Variants in TPP2 observed in about 807,000 individuals in gnomAD.
TPP2 encodes the protein tripeptidyl peptidase 2, also known as tripeptidyl-peptidase 2.
TPP2 carries 34 observed loss-of-function variants against 155.9 expected under a neutral mutation model. That is an observed-to-expected ratio of 0.22 (90% CI 0.17 to 0.29). The LOEUF (loss-of-function observed/expected upper bound fraction) is 0.29, where lower values mean the gene tolerates loss of function less well. TPP2 is among the 10% of genes least tolerant of loss of function. The pLI is 1.00. For missense variants in TPP2, 1,028 were observed against 1,522.3 expected (o/e 0.68, Z 5.40); for synonymous variants, 510 against 529.4 (o/e 0.96, Z 0.50).
At chr13:102,664,661 C>G (rs1032444658) in intron 26 of TPP2, 134 bp from the exon 27 acceptor site, 2 of 854,116 alleles carry the variant, frequency 2.3e-6, no homozygotes, top group Non-Finnish European at 3.4e-6. Context: ...GCAGGGAGCC[C>G]CTGGGCTACA....
chr13:102,628,305 C>T (rs2139481477), intron 8 of TPP2, among the ~76,000 whole-genome samples: 1 of 152,224 alleles, frequency 6.6e-6, no homozygotes, highest in African/African-American at 2.4e-5. Flanking sequence ...ACTTCTCTTC[C>T]CAGGCAATTT....
Position 102,672,256 on chromosome 13 carries a change from A to G in TPP2, c.3372-2027A>G, listed in dbSNP as rs1218687370. Among the ~76,000 whole-genome samples, 3 of 152,298 alleles carry G rather than the reference A, an allele frequency of 2.0e-5. No homozygotes were observed. The East Asian group carries it at 5.8e-4, about 29-fold the overall frequency. On this transcript the variant is annotated intron_variant, in intron 27 of 29. Transcript: ENST00000376052. ...CCAGTGATGCTCGCATTTATTTAGTACAGAATTAATGACAAAAGCTTGGAG... is the reference window on the plus strand; with the variant it reads ...CCAGTGATGCTCGCATTTATTTAGTGCAGAATTAATGACAAAAGCTTGGAG...
chr13:102,645,392 C>A, intron 19 of TPP2, among the ~76,000 whole-genome samples: 1 of 152,314 alleles, frequency 6.6e-6, no homozygotes, highest in South Asian at 2.1e-4. Flanking sequence ...AACTTAAGTA[C>A]TGTAGCCTGC....
chr13:102,651,562 A>T (rs1883488734), intron 24 of TPP2, among the ~76,000 whole-genome samples, 165 bp downstream of exon 24: 1 of 144,760 alleles, frequency 6.9e-6, no homozygotes, highest in Non-Finnish European at 1.5e-5. Context: ...CATTGTTGAC[A>T]TACTGCTTTT....
chr13:102,624,603 A>G (rs1881428119), intron 6 of TPP2, among the ~76,000 whole-genome samples: 1 of 152,156 alleles, frequency 6.6e-6, no homozygotes, highest in Non-Finnish European at 1.5e-5. Context: ...GGAATAAAAA[A>G]TATGGTTTTC....
intron 1 of TPP2, among the ~76,000 whole-genome samples, chr13:102,602,026 A>G (rs1053603561): frequency 6.6e-6 from 1 of 152,216 alleles, no homozygotes; most frequent in African/African-American, 2.4e-5. Context: ...TGAGAGATCT[A>G]TCTGACTTGT....
chr13:102,627,650 CT>C (rs1190613630), intron 7 of TPP2, among the ~76,000 whole-genome samples, 197 bp from the exon 8 acceptor site: 2 of 148,448 alleles, frequency 1.3e-5, no homozygotes, highest in African/African-American at 2.5e-5. Context: ...TTAATGACTA[CT>C]TTTTTATGTG....
At position 102,640,641 on chromosome 13, in the gene TPP2, A is replaced by ATTTT. The variant is rs5806315; in HGVS notation, c.2020+290_2020+293dup. 2.9e-4 allele frequency among the ~76,000 whole-genome samples: 24 copies of ATTTT among 84,196 alleles called. 1 individual carries two copies. Among genetic ancestry groups the ATTTT allele is most frequent in the Non-Finnish European group, 3.8e-4 (18 of 47,058 alleles). 55.2% of individuals were successfully genotyped at this position (84,196 alleles called of 152,430 possible). A position where few individuals can be genotyped will look rare whatever the true frequency, so the allele number is the denominator to read the frequency against. The stretch of plus-strand genomic sequence containing the variant: ...TAGAATAATGCCTTACCTGGTAATA[A>ATTTT]TTTTTTTTTTTTTTTTTTTTTTTTT... On this transcript the variant is annotated intron_variant, in intron 16 of 29. Transcript: ENST00000376052.
intron 2 of TPP2, among the ~76,000 whole-genome samples, chr13:102,606,764 A>G (rs1879863780): frequency 6.6e-6 from 1 of 152,148 alleles, no homozygotes; most frequent in Admixed American, 6.6e-5. Flanking sequence ...TAGGGGAGGG[A>G]CGTGGGTCTT....
intron 10 of TPP2, among the ~76,000 whole-genome samples, chr13:102,630,677 G>C (rs970512030): frequency 6.6e-6 from 1 of 152,190 alleles, no homozygotes; most frequent in Non-Finnish European, 1.5e-5. Flanking sequence ...ACTGAGAAAT[G>C]AAGTCTATCT....
At chr13:102,655,884 C>T (rs931437952) in intron 24 of TPP2, among the ~76,000 whole-genome samples, 2 of 152,070 alleles carry the variant, frequency 1.3e-5, no homozygotes, top group African/African-American at 4.8e-5. Context: ...TCCGTGATCC[C>T]AGGTGCTTTT....
intron 21 of TPP2, among the ~76,000 whole-genome samples, chr13:102,647,708 T>C (rs985094885): frequency 6.6e-6 from 1 of 152,138 alleles, no homozygotes; most frequent in African/African-American, 2.4e-5. Context: ...TGATCCTAAG[T>C]CTGAGGGGGC....
intron 10 of TPP2, among the ~76,000 whole-genome samples, chr13:102,632,249 T>C (rs1000677762): frequency 3.3e-5 from 5 of 152,082 alleles, no homozygotes; most frequent in African/African-American, 7.2e-5. Flanking sequence ...GAGACTTTTT[T>C]TTTTTTCTTT....
chr13:102,629,768 A>G (rs1486062311), intron 9 of TPP2, among the ~76,000 whole-genome samples, 159 bp downstream of exon 9: 5 of 152,244 alleles, frequency 3.3e-5, no homozygotes, highest in East Asian at 3.8e-4. Flanking sequence ...CAGCACATCT[A>G]GAACTGACCG....
At chr13:102,671,975 TC>T (rs1318490765) in intron 27 of TPP2, among the ~76,000 whole-genome samples, 1 of 152,172 alleles carries the variant, frequency 6.6e-6, no homozygotes, top group East Asian at 1.9e-4. Flanking sequence ...CCTGAACAAT[TC>T]CCTCGAACTT....
intron 1 of TPP2, 72 bp from the exon 2 acceptor site, chr13:102,604,721 A>G: frequency 1.4e-6 from 2 of 1,435,868 alleles, no homozygotes; most frequent in Non-Finnish European, 1.9e-6. Flanking sequence ...ACACATATAT[A>G]TGTGGATTTG....
Position 102,635,673 on chromosome 13 carries a change from G to A in TPP2, c.1480G>A (p.Val494Ile), listed in dbSNP as rs199620172. Residue 494 changes from valine (V) to isoleucine (I), a missense_variant, in exon 12 of 30, where the codon GTA becomes ATA. By Grantham distance (29) the Val-to-Ile change is conservative. Around this residue, in one of 7 missense-constraint regions of TPP2, gnomAD observed 325 missense variants for 463.7 expected, o/e 0.70. Transcript: ENST00000376052. ...NTAVKADNIE[V>I]FAQGHGIIQV... Reference sequence around the variant, plus strand: ...TGCAGTGAAGGCTGACAATATAGAAGTATTTGCTCAAGGACATGGTATTAT... The same window carrying A: ...TGCAGTGAAGGCTGACAATATAGAAATATTTGCTCAAGGACATGGTATTAT... 6.2e-7 allele frequency: 1 copy of A among 1,613,084 alleles called. No homozygotes were observed. The highest frequency in any genetic ancestry group is 2.2e-5 in the East Asian group (1 of 44,848).
chr13:102,649,592 C>T, intron 23 of TPP2, 106 bp downstream of exon 23: 4 of 952,022 alleles, frequency 4.2e-6, no homozygotes, highest in South Asian at 4.2e-5. Flanking sequence ...AGAAGATATA[C>T]TCTTGGGGAA....
chr13:102,603,192 G>C (rs1052641951), intron 1 of TPP2, among the ~76,000 whole-genome samples: 4 of 152,190 alleles, frequency 2.6e-5, no homozygotes, highest in African/African-American at 9.6e-5. Context: ...TTGTAATTCA[G>C]TAATGAAGTA....
Sources: allele counts gnomAD v4.1 joint callset (sites outside exome capture counted in the v4.1 genomes callset), GRCh38; gene constraint gnomAD v4.1.1; regional missense constraint gnomAD v4.1.1; transcripts MANE v1.5; gene names NCBI Gene and HGNC (gene_info 2026-07-23, HGNC 2026-07-21).